The following WWC2 variants were observed in gnomAD, a reference collection of about 807,000 sequenced individuals.
WWC2 encodes protein WWC2.
WWC2 carries 101 observed loss-of-function variants against 138.5 expected under a neutral mutation model. The observed-to-expected ratio is 0.73, with a 90% CI of 0.62 to 0.86. The LOEUF (loss-of-function observed/expected upper bound fraction) is 0.86, where lower values mean the gene tolerates loss of function less well. WWC2 is among the 40% of genes least tolerant of loss of function. The probability of loss-of-function intolerance (pLI) is 0.00; values close to 1 mark genes in which losing one functional copy is unlikely to be tolerated. For missense variants in WWC2, 1,420 were observed against 1,419.4 expected, an observed-to-expected ratio of 1.00 and a Z score of -0.01; for synonymous variants, 558 against 538.4, an observed-to-expected ratio of 1.04 and a Z score of -0.50.
chr4:183,138,525 C>T (rs1177362455), intron 1 of WWC2, among the ~76,000 whole-genome samples: 1 of 152,160 alleles, frequency 6.6e-6, no homozygotes, highest in African/African-American at 2.4e-5. Flanking sequence ...TCTATGGCTG[C>T]TTTTGTACTT....
chr4:183,173,973 C>G (rs1207167150), intron 1 of WWC2, among the ~76,000 whole-genome samples: 1 of 152,150 alleles, frequency 6.6e-6, no homozygotes, highest in Non-Finnish European at 1.5e-5. Context: ...TGTTAAGGCA[C>G]TCCCAGATGT....
At chr4:183,107,124 CT>C (rs770017346) in intron 1 of WWC2, among the ~76,000 whole-genome samples, 2 of 152,036 alleles carry the variant, frequency 1.3e-5, no homozygotes, top group Non-Finnish European at 2.9e-5. Flanking sequence ...TCTCTCTTCT[CT>C]TTCCTTCTCT....
intron 1 of WWC2, among the ~76,000 whole-genome samples, chr4:183,187,300 T>A (rs1734835996): frequency 6.6e-6 from 1 of 152,050 alleles, no homozygotes; most frequent in African/African-American, 2.4e-5. Context: ...ACGTCTGTAA[T>A]CTCAGCACTT....
At chr4:183,262,353 G>T (rs1737354362) in intron 11 of WWC2, among the ~76,000 whole-genome samples, 1 of 152,220 alleles carries the variant, frequency 6.6e-6, no homozygotes, top group South Asian at 2.1e-4. Context: ...ATCTACAGCT[G>T]TCCTGTTCAC....
At chr4:183,143,187 A>G (rs1220973715) in intron 1 of WWC2, among the ~76,000 whole-genome samples, 2 of 152,224 alleles carry the variant, frequency 1.3e-5, no homozygotes, top group South Asian at 2.1e-4. Context: ...GTATTTATCA[A>G]TAATGGGTGT....
In WWC2 at chr4:183,317,093, G is replaced by A. The variant is rs1019528450; in HGVS notation, c.*1364G>A. On this transcript the variant is annotated 3_prime_UTR_variant, in exon 23 of 23. Transcript: ENST00000403733. ...TCAATAACCCAAGAAACAATTTTGG[G>A]TTAGCCATCTAATATAGCAAATAAA... The A allele has an allele frequency of 3.3e-5, 5 of 151,760 alleles. No homozygotes were observed. Among genetic ancestry groups the A allele is most frequent in the Admixed American group, 3.3e-4 (5 of 15,220 alleles). The allele number at this position is 151,760 out of a possible 1,614,324, so 9.4% of individuals were successfully genotyped here. A position where few individuals can be genotyped will look rare whatever the true frequency, so the allele number is the denominator to read the frequency against.
intron 1 of WWC2, among the ~76,000 whole-genome samples, chr4:183,180,612 C>A (rs1734602351): frequency 6.7e-4 from 1 of 1,496 alleles, no homozygotes; most frequent in Non-Finnish European, 0.01. Context: ...AATGGATAAG[C>A]AAAATGTATC....
intron 1 of WWC2, among the ~76,000 whole-genome samples, chr4:183,152,501 A>G (rs1226245898): frequency 6.7e-6 from 1 of 148,558 alleles, no homozygotes; most frequent in Non-Finnish European, 1.5e-5. Flanking sequence ...CCTGCCTCTT[A>G]AAAAAAAGAA....
At chr4:183,112,058 AATG>A (rs1419477822) in intron 1 of WWC2, among the ~76,000 whole-genome samples, 1 of 152,126 alleles carries the variant, frequency 6.6e-6, no homozygotes, top group Non-Finnish European at 1.5e-5. Context: ...TGACATAGCT[AATG>A]ATATTTCTCA....
Position 183,289,482 on chromosome 4 carries a change from G to A in WWC2, c.3231G>A (p.Leu1077=), listed in dbSNP as rs1217546389. 1 of 1,613,666 alleles carries A rather than the reference G, an allele frequency of 6.2e-7. No individual in the cohort carries two copies. The highest frequency in any genetic ancestry group is 1.1e-5 in the South Asian group (1 of 90,986). ...LDLELDLQAS[L]TRQSRLNDEL... is the part of the protein sequence containing the mutation. ...TAGAACTGGACCTTCAGGCATCTCT[G>A]ACCCGGCAGAGCCGCCTCAATGATG... is the stretch of plus-strand genomic sequence containing the variant. The change falls in exon 21 of 23, where the codon CTG becomes CTA. Residue 1077 remains leucine, a synonymous_variant. Transcript: ENST00000403733.
chr4:183,226,099 T>G (rs1025155224), intron 4 of WWC2, among the ~76,000 whole-genome samples: 1 of 147,928 alleles, frequency 6.8e-6, no homozygotes, highest in South Asian at 2.1e-4. Flanking sequence ...TCTTTTCTTT[T>G]TTTTTTTTTT....
At chr4:183,249,889 T>C in intron 7 of WWC2, 31 bp from the exon 8 acceptor site, 1 of 1,580,214 alleles carries the variant, frequency 6.3e-7, no homozygotes, top group Non-Finnish European at 8.7e-7. Flanking sequence ...GCAGAGTTAA[T>C]TGACTTTTTT....
intron 21 of WWC2, among the ~76,000 whole-genome samples, chr4:183,304,115 A>G (rs1738950106): frequency 6.6e-6 from 1 of 152,130 alleles, no homozygotes; most frequent in African/African-American, 2.4e-5. Context: ...AAAAAAATTG[A>G]ACAAAATGAA....
intron 5 of WWC2, 194 bp downstream of exon 5, chr4:183,240,456 A>G: frequency 2.2e-6 from 1 of 461,544 alleles, no homozygotes. Context: ...TATGCACTTG[A>G]AAAGATCCAA....
intron 10 of WWC2, among the ~76,000 whole-genome samples, chr4:183,259,966 T>G (rs1329953872): frequency 6.6e-6 from 1 of 152,196 alleles, no homozygotes; most frequent in Non-Finnish European, 1.5e-5. Flanking sequence ...GTCAGTACAT[T>G]TAGGATAATA....
intron 20 of WWC2, 111 bp from the exon 21 acceptor site, chr4:183,289,282 G>C: frequency 6.9e-7 from 1 of 1,458,160 alleles, no homozygotes; most frequent in South Asian, 1.4e-5. Flanking sequence ...TTAGGCCCTG[G>C]CTTCTAGGGT....
At chr4:183,205,054 A>T (rs1445957621) in intron 2 of WWC2, among the ~76,000 whole-genome samples, 1 of 152,198 alleles carries the variant, frequency 6.6e-6, no homozygotes, top group Non-Finnish European at 1.5e-5. Flanking sequence ...GCATTTGTTT[A>T]GAGGTCTTTT....
At chr4:183,117,368 C>G (rs918427393) in intron 1 of WWC2, among the ~76,000 whole-genome samples, 1 of 151,448 alleles carries the variant, frequency 6.6e-6, no homozygotes, top group Non-Finnish European at 1.5e-5. Flanking sequence ...TTACAGGTGC[C>G]CGCCACCATG....
At chr4:183,125,362 A>T (rs1306270627) in intron 1 of WWC2, among the ~76,000 whole-genome samples, 1 of 152,214 alleles carries the variant, frequency 6.6e-6, no homozygotes, top group Non-Finnish European at 1.5e-5. Flanking sequence ...GTCATTGCTT[A>T]TAGCTTATAG....
Sources: allele counts gnomAD v4.1 joint callset (sites outside exome capture counted in the v4.1 genomes callset), GRCh38; gene constraint gnomAD v4.1.1; transcripts MANE v1.5; gene names NCBI Gene and HGNC (gene_info 2026-07-23, HGNC 2026-07-21).